Variants in RABGAP1L observed in about 807,000 individuals in gnomAD.
RABGAP1L encodes the protein rab GTPase-activating protein 1-like.
In RABGAP1L, 63 loss-of-function variants were observed where a neutral mutation model predicts 137.7. The observed-to-expected ratio is 0.46, with a 90% confidence interval of 0.37 to 0.56. The LOEUF is 0.56. Ranked by LOEUF, RABGAP1L falls within the 20% of genes least tolerant of loss-of-function variation. RABGAP1L has a pLI of 0.00. For synonymous variants in RABGAP1L, 431 were observed against 433.7 expected, an observed-to-expected ratio of 0.99 and a Z score of 0.08; for missense variants, 1,095 against 1,244.0, an observed-to-expected ratio of 0.88 and a Z score of 1.80.
chr1:174,895,417 CT>C (rs36080842), intron 19 of RABGAP1L, among the ~76,000 whole-genome samples: 3,504 of 133,334 alleles, frequency 0.026, 42 homozygotes, highest in Middle Eastern at 0.094. Context: ...TATTCTAATT[CT>C]TTTTTTTTTT....
At chr1:174,797,184 A>G (rs1688306044) in intron 18 of RABGAP1L, among the ~76,000 whole-genome samples, 1 of 152,112 alleles carries the variant, frequency 6.6e-6, no homozygotes, top group African/African-American at 2.4e-5. Flanking sequence ...GTAAGAAAAA[A>G]TGCTTCAGCT....
chr1:174,187,588 G>C (rs532177933), intron 1 of RABGAP1L, among the ~76,000 whole-genome samples: 50 of 152,090 alleles, frequency 3.3e-4, no homozygotes, highest in Non-Finnish European at 6.3e-4. Flanking sequence ...TGAAATATGG[G>C]ACATTTAAAA....
chr1:174,836,160 C>T (rs571123213), intron 19 of RABGAP1L, among the ~76,000 whole-genome samples: 30 of 152,064 alleles, frequency 2.0e-4, no homozygotes, highest in African/African-American at 7.2e-4. Context: ...ATTTTATTCC[C>T]ATTCATTTCT....
intron 18 of RABGAP1L, among the ~76,000 whole-genome samples, chr1:174,792,710 A>C (rs1296931417): frequency 6.6e-6 from 1 of 152,232 alleles, no homozygotes; most frequent in Non-Finnish European, 1.5e-5. Flanking sequence ...AAAGCAACTA[A>C]AACTATATAT....
chr1:174,489,078 C>T (rs932140243), intron 13 of RABGAP1L, among the ~76,000 whole-genome samples: 14 of 151,924 alleles, frequency 9.2e-5, no homozygotes, highest in South Asian at 2.1e-4. Flanking sequence ...TCATCCATGT[C>T]GCTACAAAGG....
chr1:174,284,502 T>G (rs768889882), intron 10 of RABGAP1L, among the ~76,000 whole-genome samples: 2 of 152,192 alleles, frequency 1.3e-5, no homozygotes, highest in Non-Finnish European at 2.9e-5. Context: ...ACAGACATGT[T>G]TCCATGTCTA....
intron 13 of RABGAP1L, among the ~76,000 whole-genome samples, chr1:174,466,349 C>G (rs1657294298): frequency 6.6e-6 from 1 of 152,182 alleles, no homozygotes; most frequent in Non-Finnish European, 1.5e-5. Flanking sequence ...AAAAAGCTTT[C>G]TTCTAAATTG....
chr1:174,437,598 G>A (rs185932743), intron 13 of RABGAP1L, among the ~76,000 whole-genome samples: 2 of 152,194 alleles, frequency 1.3e-5, no homozygotes, highest in African/African-American at 2.4e-5. Context: ...TGTAATTGGT[G>A]TACCTGAAAG....
chr1:174,628,639 G>C (rs1343396688), intron 13 of RABGAP1L, among the ~76,000 whole-genome samples: 1 of 152,172 alleles, frequency 6.6e-6, no homozygotes, highest in Non-Finnish European at 1.5e-5. Flanking sequence ...AATTAAGTGA[G>C]GAAAGTGGAA....
intron 13 of RABGAP1L, among the ~76,000 whole-genome samples, chr1:174,623,458 T>C (rs968424178): frequency 6.6e-6 from 1 of 152,164 alleles, no homozygotes; most frequent in Non-Finnish European, 1.5e-5. Context: ...GTTATACTCA[T>C]AGTTACAGTG....
At chr1:174,270,906 A>T (rs1270834480) in intron 7 of RABGAP1L, among the ~76,000 whole-genome samples, 2 of 152,242 alleles carry the variant, frequency 1.3e-5, no homozygotes, top group East Asian at 3.9e-4. Context: ...GTTCTCATTG[A>T]CCTAATTTTT....
At chr1:174,331,924 G>A (rs1405551474) in intron 11 of RABGAP1L, among the ~76,000 whole-genome samples, 1 of 150,808 alleles carries the variant, frequency 6.6e-6, no homozygotes, top group Non-Finnish European at 1.5e-5. Context: ...AGAACATGCG[G>A]TGTTTGGTTT....
chr1:174,377,738 C>G (rs911208758), intron 12 of RABGAP1L, among the ~76,000 whole-genome samples: 2 of 146,344 alleles, frequency 1.4e-5, no homozygotes, highest in Admixed American at 6.8e-5. Context: ...ACATTGAAAG[C>G]GTAGCATAGC....
At chr1:174,193,081 C>T (rs1667325997) in intron 1 of RABGAP1L, among the ~76,000 whole-genome samples, 1 of 152,196 alleles carries the variant, frequency 6.6e-6, no homozygotes, top group Non-Finnish European at 1.5e-5. Flanking sequence ...CCAGAACTTT[C>T]TGGTTTATAG....
intron 19 of RABGAP1L, among the ~76,000 whole-genome samples, chr1:174,828,550 T>C (rs1261369619): frequency 2.0e-5 from 3 of 148,514 alleles, no homozygotes; most frequent in African/African-American, 7.4e-5. Context: ...CTCCAGTTCT[T>C]ACTGAGTGAT....
At chr1:174,377,055 A>C (rs79853726) in intron 12 of RABGAP1L, among the ~76,000 whole-genome samples, 3,072 of 152,310 alleles carry the variant, frequency 0.02, 111 homozygotes, top group African/African-American at 0.071. Context: ...TTTCATTTCT[A>C]TACACTGGCA....
chr1:174,366,203 T>G (rs1447558247), intron 11 of RABGAP1L, among the ~76,000 whole-genome samples: 1 of 152,200 alleles, frequency 6.6e-6, no homozygotes, highest in Non-Finnish European at 1.5e-5. Flanking sequence ...CTAAACATCA[T>G]TTGAAGAATT....
chr1:174,748,891 A>T (rs1256082341), intron 17 of RABGAP1L, among the ~76,000 whole-genome samples: 1 of 151,564 alleles, frequency 6.6e-6, no homozygotes, highest in Non-Finnish European at 1.5e-5. Flanking sequence ...AAAAAAAGAC[A>T]TCAGTCCGGG....
chr1:174,754,119 C>T (rs1684541015), intron 18 of RABGAP1L, among the ~76,000 whole-genome samples: 1 of 152,220 alleles, frequency 6.6e-6, no homozygotes, highest in Non-Finnish European at 1.5e-5. Context: ...ACTCTGGCCA[C>T]TGGGCAGGAA....
Sources: gnomAD v4.1 joint callset for allele counts (sites outside exome capture counted in the v4.1 genomes callset) on GRCh38, gnomAD v4.1.1 for gene constraint, MANE v1.5 for transcripts, NCBI Gene and HGNC (gene_info 2026-07-23, HGNC 2026-07-21) for gene names.